Variants in UBE2S observed in about 807,000 individuals in gnomAD.
The protein encoded by UBE2S is ubiquitin conjugating enzyme E2 S.
Under a neutral mutation model 12.3 loss-of-function variants are expected in UBE2S, and 3 were observed. The observed-to-expected ratio is 0.24, with a 90% CI of 0.11 to 0.63. The LOEUF is 0.63. Ranked by LOEUF, UBE2S falls within the 30% of genes least tolerant of loss-of-function variation. The pLI is 0.85. For synonymous variants in UBE2S, 133 were observed against 142.0 expected (o/e 0.94, Z 0.45); for missense variants, 211 against 313.9 (o/e 0.67, Z 2.48).
Position 55,407,663 on chromosome 19 carries a change from G to T in UBE2S, c.-74C>A, listed in dbSNP as rs1389260979. The T allele has an allele frequency of 4.2e-6, 5 of 1,196,256 alleles. No individual in the cohort carries two copies. The highest frequency in any genetic ancestry group is 5.4e-6 in the Non-Finnish European group (5 of 932,048). The allele number at this position is 1,196,256 out of a possible 1,614,324, so 74.1% of individuals were successfully genotyped here. ...TTCGGTCCGCCGGCCGGGGCGGGGG[G>T]CCCAACTGCTGCCGCTGCGGCCCTG... is the stretch of plus-strand genomic sequence containing the variant. On this transcript the variant is annotated 5_prime_UTR_variant, in exon 1 of 4. Coordinates refer to ENST00000264552, the MANE Select transcript of UBE2S (RefSeq NM_014501.3).
intron 3 of UBE2S, among the ~76,000 whole-genome samples, chr19:55,402,245 T>C (rs966038253): frequency 6.6e-6 from 1 of 152,224 alleles, no homozygotes; most frequent in Non-Finnish European, 1.5e-5. Flanking sequence ...CACCTGCGTG[T>C]TGGACTCTAA....
rs2090083115 is a variant in UBE2S at position 55,404,390 on chromosome 19, C to G, written c.240G>C (p.Leu80=). The G allele has an allele frequency of 1.2e-6, 2 of 1,613,836 alleles. No homozygotes were observed. Among genetic ancestry groups the G allele is most frequent in the African/African-American group, 1.3e-5 (1 of 75,012 alleles). ...FPASPPKGYF[L]TKIFHPNVGA... ...CCACGTTCGGGTGGAAGATCTTGGT[C>G]AGGAAGTAGCCCTTGGGTGGGGAGG... The change falls in exon 3 of 4, where the codon CTG becomes CTC. Residue 80 remains leucine (L), a synonymous_variant. Coordinates refer to ENST00000264552, the MANE Select transcript of UBE2S (RefSeq NM_014501.3). This position sits in a 1 kb window ranked among gnomAD's most constrained non-coding sequence, Gnocchi z 4.4.
chr19:55,404,273 C>T lies in UBE2S; in HGVS notation c.342+15G>A. ...AGGCAGGAGGCAGGAGGCCCAGCCC[C>T]AGCCCAGAACTCACCAGCAGTACGT... On this transcript the variant is annotated intron_variant, in intron 3 of 3. Coordinates refer to ENST00000264552, the MANE Select transcript of UBE2S (RefSeq NM_014501.3). This position sits in a 1 kb window ranked among gnomAD's most constrained non-coding sequence, Gnocchi z 4.4. 5.0e-6 allele frequency: 8 copies of T among 1,610,454 alleles called. No homozygotes were observed. Among genetic ancestry groups the T allele is most frequent in the Non-Finnish European group, 6.8e-6 (8 of 1,179,764 alleles).
Position 55,401,779 on chromosome 19 carries a change from A to G in UBE2S, c.343-17T>C, listed in dbSNP as rs2090060992. 3.1e-6 allele frequency: 5 copies of G among 1,612,846 alleles called. No individual in the cohort carries two copies. Among genetic ancestry groups the G allele is most frequent in the South Asian group, 1.1e-5 (1 of 91,066 alleles). On this transcript the variant is annotated splice_polypyrimidine_tract_variant and intron_variant, in intron 3 of 3. Transcript: ENST00000264552. ...CTTGATGGTCTGTGGGAAGAGGCTC[A>G]GGGTCACAGTGGGTCGGGCAACCTA...
intron 3 of UBE2S, chr19:55,403,324 C>T: frequency 1.9e-6 from 1 of 537,074 alleles, no homozygotes; most frequent in Non-Finnish European, 3.3e-6. Flanking sequence ...CTCTGCAAAC[C>T]ATAAAAATAT....
At chr19:55,406,682 G>C in intron 2 of UBE2S, 133 bp downstream of exon 2, 7 of 1,144,394 alleles carry the variant, frequency 6.1e-6, no homozygotes, top group Non-Finnish European at 8.6e-6. Context: ...GTGGCGTCCT[G>C]CCCTGTCCAC....
In UBE2S at chr19:55,400,277, C is replaced by G. The variant is rs1275878191; in HGVS notation, c.*1159G>C. The G allele has an allele frequency of 2.0e-5, 3 of 152,150 alleles. No individual in the cohort carries two copies. Among genetic ancestry groups the G allele is most frequent in the African/African-American group, 7.2e-5 (3 of 41,426 alleles). The allele number at this position is 152,150 out of a possible 1,614,324, so 9.4% of individuals were successfully genotyped here. On this transcript the variant is annotated 3_prime_UTR_variant, in exon 4 of 4. Transcript: ENST00000264552. ...TGGCCTCAAGTGATCCTTTCACCTC[C>G]TAAAGTTGGGATTACAGGCGTGAGC... is the stretch of plus-strand genomic sequence containing the variant.
intron 3 of UBE2S, among the ~76,000 whole-genome samples, chr19:55,402,001 G>T (rs2090063184): frequency 6.6e-6 from 1 of 152,228 alleles, no homozygotes; most frequent in Non-Finnish European, 1.5e-5. Flanking sequence ...AGGCCCAATG[G>T]TTTAAAATGT....
At chr19:55,402,742 C>T (rs1403451322) in intron 3 of UBE2S, among the ~76,000 whole-genome samples, 1 of 152,132 alleles carries the variant, frequency 6.6e-6, no homozygotes, top group Non-Finnish European at 1.5e-5. Flanking sequence ...AGGCCTGGAG[C>T]TCGGTGCCAA....
intron 3 of UBE2S, among the ~76,000 whole-genome samples, chr19:55,403,744 T>C (rs1600320634): frequency 5.8e-4 from 9 of 15,430 alleles, no homozygotes; most frequent in Admixed American, 3.5e-3. Context: ...TTTATCTTAT[T>C]TTTTTTTTTT....
At position 55,401,670 on chromosome 19, in the gene UBE2S, C is replaced by T. The variant is rs7608; in HGVS notation, c.435G>A (p.Ala145=). ...TCTCTGTGAGCAGACGGGCCCGAGC[C>T]GCATACTCCTCGTAGTTCTCCAAGA... ...RLLLENYEEY[A]ARARLLTEIH... is the part of the protein sequence containing the mutation. The change falls in exon 4 of 4, where the codon GCG becomes GCA. Residue 145 remains alanine (A), a synonymous_variant. Coordinates refer to ENST00000264552, the MANE Select transcript of UBE2S (RefSeq NM_014501.3). The T allele has an allele frequency of 0.66, 1,047,479 of 1,591,758 alleles. 344,312 individuals carry two copies. Among genetic ancestry groups the T allele is most frequent in the Non-Finnish European group, 0.68 (786,913 of 1,163,118 alleles).
intron 3 of UBE2S, among the ~76,000 whole-genome samples, chr19:55,403,487 TA>T (rs1324449446): frequency 1.3e-5 from 2 of 149,018 alleles, no homozygotes; most frequent in Non-Finnish European, 3.0e-5. Context: ...CCAGTATCTT[TA>T]AAACAAAAAG....
chr19:55,407,100 C>T (rs1018695143), intron 1 of UBE2S, 138 bp from the exon 2 acceptor site: 14 of 1,090,298 alleles, frequency 1.3e-5, no homozygotes, highest in Non-Finnish European at 1.6e-5. Context: ...AGACCCTCAC[C>T]CAGGATGCTT....
rs531211876 is a variant in UBE2S at position 55,406,923 on chromosome 19, G to A, written c.43C>T (p.Leu15=). 30 of 1,613,778 alleles carry A rather than the reference G, an allele frequency of 1.9e-5. No homozygotes were observed. The highest frequency in any genetic ancestry group is 1.8e-4 in the Admixed American group (11 of 59,980). ...AGTGTCGTCACCTCCTTGTACACCA[G>A]GCGGATGATGTGCGGGGGTAGGTTC... is the stretch of plus-strand genomic sequence containing the variant. ...VENLPPHIIR[L]VYKEVTTLTA... is the part of the protein sequence containing the mutation. The change falls in exon 2 of 4, where the codon CTG becomes TTG. Residue 15 remains leucine, a synonymous_variant. Coordinates refer to ENST00000264552, the MANE Select transcript of UBE2S (RefSeq NM_014501.3).
rs2090054370 is a variant in UBE2S at position 55,401,137 on chromosome 19, CAAACA to C, written c.*294_*298del. The C allele has an allele frequency of 2.1e-6, 1 of 468,068 alleles. No homozygotes were observed. Among genetic ancestry groups the C allele is most frequent in the Admixed American group, 4.0e-5 (1 of 24,892 alleles). The allele number at this position is 468,068 out of a possible 1,614,324, so 29.0% of individuals were successfully genotyped here. Reference sequence around the variant, plus strand: ...AGAACAAAGAGGTGGACCCAAACCTCAAACAGCAAGGCTGGTGAGCTAGATGGACC... The same window carrying C: ...AGAACAAAGAGGTGGACCCAAACCTCGCAAGGCTGGTGAGCTAGATGGACC... On this transcript the variant is annotated 3_prime_UTR_variant, in exon 4 of 4. Transcript: ENST00000264552.
At chr19:55,406,749 G>C in intron 2 of UBE2S, 66 bp downstream of exon 2, 1 of 1,548,760 alleles carries the variant, frequency 6.5e-7, no homozygotes. Context: ...TCCCGCTAGG[G>C]TGATCTAGAG....
At chr19:55,402,988 C>T (rs775214343) in intron 3 of UBE2S, 28 of 1,534,798 alleles carry the variant, frequency 1.8e-5, no homozygotes, top group Non-Finnish European at 2.6e-6. Flanking sequence ...CAGCCTGGAG[C>T]ACCAGCCTAG....
At chr19:55,405,682 C>T (rs2090092576) in intron 2 of UBE2S, among the ~76,000 whole-genome samples, 1 of 152,112 alleles carries the variant, frequency 6.6e-6, no homozygotes, top group African/African-American at 2.4e-5. Flanking sequence ...AGTCACAGGC[C>T]CTTCCCAGGT....
At position 55,404,528 on chromosome 19, in the gene UBE2S, C is replaced by T. The variant is rs2123313678; in HGVS notation, c.152-50G>A. The T allele has an allele frequency of 2.0e-6, 3 of 1,498,768 alleles. No homozygotes were observed. Among genetic ancestry groups the T allele is most frequent in the Non-Finnish European group, 1.8e-6 (2 of 1,112,966 alleles). 92.8% of individuals were successfully genotyped at this position (1,498,768 alleles called of 1,614,324 possible). On this transcript the variant is annotated intron_variant, in intron 2 of 3. Coordinates refer to ENST00000264552, the MANE Select transcript of UBE2S (RefSeq NM_014501.3). This position sits in a 1 kb window ranked among gnomAD's most constrained non-coding sequence, Gnocchi z 4.4. The stretch of plus-strand genomic sequence containing the variant: ...GTCAGGGCACTCAGGAGTCCCAAGG[C>T]ACCTCAACACCCCAAAGTCCAGTCT...
Sources: gnomAD v4.1 joint callset for allele counts (sites outside exome capture counted in the v4.1 genomes callset) on GRCh38, gnomAD v4.1.1 for gene constraint, Gnocchi (gnomAD v3.1) non-coding constraint, MANE v1.5 for transcripts, NCBI Gene and HGNC (gene_info 2026-07-23, HGNC 2026-07-21) for gene names.